Variants in ARHGEF12 observed in about 807,000 individuals in gnomAD.
The protein encoded by ARHGEF12 is KMT2A/ARHGEF12 fusion protein.
In ARHGEF12, 66 loss-of-function variants were observed where a neutral mutation model predicts 211.2. The observed-to-expected ratio is 0.31, with a 90% CI of 0.26 to 0.38. The LOEUF (loss-of-function observed/expected upper bound fraction) is 0.38. Among genes scored for constraint, ARHGEF12 ranks in the 10% least tolerant of loss-of-function variants. The pLI is 1.00. For missense variants in ARHGEF12, 1,429 were observed against 1,869.5 expected (o/e 0.76, Z 4.34); for synonymous variants, 592 against 638.4 (o/e 0.93, Z 1.09).
chr11:120,409,177 AT>A, intron 3 of ARHGEF12: 1 of 520,780 alleles, frequency 1.9e-6, no homozygotes, highest in Non-Finnish European at 3.4e-6. Context: ...GTTTGAACAT[AT>A]TTTTATTGCA....
At chr11:120,341,552 A>T (rs1942537582) in intron 1 of ARHGEF12, among the ~76,000 whole-genome samples, 2 of 152,338 alleles carry the variant, frequency 1.3e-5, no homozygotes, top group Admixed American at 1.3e-4. Flanking sequence ...TCTAAATGTC[A>T]TCCAGTGGTG....
At position 120,379,538 on chromosome 11, in the gene ARHGEF12, C is replaced by CT. The variant is rs1245802428; in HGVS notation, c.33-26579dup. 4.6e-5 allele frequency among the ~76,000 whole-genome samples: 7 copies of CT among 151,442 alleles called. No homozygotes were observed. In the South Asian group the frequency reaches 1.5e-3, roughly 32 times the overall value. ...GTACGATTTTTTTTTTTTCCATACT[C>CT]TATCAGTTTGGGGAAGTTACCTTCT... On this transcript the variant is annotated intron_variant, in intron 1 of 40. Transcript: ENST00000397843.
intron 1 of ARHGEF12, among the ~76,000 whole-genome samples, chr11:120,343,579 C>G (rs1278703136): frequency 6.6e-6 from 1 of 152,236 alleles, no homozygotes; most frequent in Admixed American, 6.5e-5. Flanking sequence ...CATACCGAAA[C>G]AGGATCTTTT....
chr11:120,373,610 A>G (rs796602332), intron 1 of ARHGEF12, among the ~76,000 whole-genome samples: 10 of 152,306 alleles, frequency 6.6e-5, no homozygotes, highest in African/African-American at 2.4e-4. Context: ...ATTCTATTAT[A>G]TAATTGTATA....
intron 10 of ARHGEF12, among the ~76,000 whole-genome samples, chr11:120,431,079 C>T (rs557199119): frequency 2.6e-5 from 4 of 152,114 alleles, no homozygotes; most frequent in Non-Finnish European, 4.4e-5. Context: ...CATCTGAGGT[C>T]GGGAGTTTGA....
At chr11:120,425,241 T>G (rs1945304672) in intron 7 of ARHGEF12, among the ~76,000 whole-genome samples, 1 of 152,180 alleles carries the variant, frequency 6.6e-6, no homozygotes, top group Non-Finnish European at 1.5e-5. Flanking sequence ...CATCTGAATC[T>G]GAGTCAGGTG....
chr11:120,476,749 G>A lies in ARHGEF12; in HGVS notation c.3365+1G>A, dbSNP rs1331150741. The A allele has an allele frequency of 6.2e-7, 1 of 1,603,966 alleles. No individual in the cohort carries two copies. Among genetic ancestry groups the A allele is most frequent in the Non-Finnish European group, 8.5e-7 (1 of 1,172,726 alleles). On this transcript the variant is annotated splice_donor_variant, in intron 34 of 40. Transcript: ENST00000397843. LOFTEE classifies it high-confidence loss of function. ...CACAGACAGTTTCTGAAAAGACTGTGTATGTATCAGATATGGCTACCTTGC... is the reference window on the plus strand; with the variant it reads ...CACAGACAGTTTCTGAAAAGACTGTATATGTATCAGATATGGCTACCTTGC...
At chr11:120,375,822 G>A (rs1048982975) in intron 1 of ARHGEF12, among the ~76,000 whole-genome samples, 2 of 151,902 alleles carry the variant, frequency 1.3e-5, no homozygotes, top group Admixed American at 6.6e-5. Flanking sequence ...ATGTTCCTTA[G>A]CCTCCTCTTG....
chr11:120,409,444 A>G lies in ARHGEF12; in HGVS notation c.193A>G (p.Ile65Val). 1 of 1,613,654 alleles carries G rather than the reference A, an allele frequency of 6.2e-7. No homozygotes were observed. Among genetic ancestry groups the G allele is most frequent in the South Asian group, 1.1e-5 (1 of 90,984 alleles). ...TAGTTCAGAGGAGAGTAGATCCGAGATATATGGTAAGCTAATGTAGCTAAT... is the reference window on the plus strand; with the variant it reads ...TAGTTCAGAGGAGAGTAGATCCGAGGTATATGGTAAGCTAATGTAGCTAAT... ...KSSSEESRSE[I>V]YGLVQRCVII... is the part of the protein sequence containing the mutation. Residue 65 changes from isoleucine (I) to valine (V), a missense_variant, in exon 4 of 41, where the codon ATA becomes GTA. Transcript: ENST00000397843.
At chr11:120,452,238 G>C (rs1946234543) in intron 22 of ARHGEF12, among the ~76,000 whole-genome samples, 1 of 152,208 alleles carries the variant, frequency 6.6e-6, no homozygotes, top group African/African-American at 2.4e-5. Flanking sequence ...TAGTAGAACA[G>C]AGTTGTGAGG....
chr11:120,442,945 T>C (rs796772040), intron 15 of ARHGEF12, among the ~76,000 whole-genome samples: 26 of 152,128 alleles, frequency 1.7e-4, no homozygotes, highest in African/African-American at 6.0e-4. Context: ...AGAGAACTTC[T>C]ACCAGATGTA....
At chr11:120,484,630 C>T in intron 40 of ARHGEF12, 123 bp downstream of exon 40, 1 of 886,628 alleles carries the variant, frequency 1.1e-6, no homozygotes, top group Non-Finnish European at 1.7e-6. Context: ...TAAAGAACTG[C>T]CTGTTTCTAA....
At chr11:120,476,261 A>T (rs1480763172) in intron 33 of ARHGEF12, 1 of 156,840 alleles carries the variant, frequency 6.4e-6, no homozygotes, top group Non-Finnish European at 1.4e-5. Flanking sequence ...ATGTAGAGGC[A>T]GGGTTTCGCC....
chr11:120,402,656 CAT>C (rs1187616910), intron 1 of ARHGEF12, among the ~76,000 whole-genome samples: 6 of 152,124 alleles, frequency 3.9e-5, no homozygotes, highest in Non-Finnish European at 5.9e-5. Flanking sequence ...CCAGGGAAGA[CAT>C]ATCTAACACC....
chr11:120,421,243 C>T (rs1205683740), intron 5 of ARHGEF12, among the ~76,000 whole-genome samples: 1 of 152,086 alleles, frequency 6.6e-6, no homozygotes, highest in African/African-American at 2.4e-5. Flanking sequence ...TTTTCTACTG[C>T]TGTTACCATA....
At chr11:120,384,194 C>T (rs989946373) in intron 1 of ARHGEF12, among the ~76,000 whole-genome samples, 3 of 152,108 alleles carry the variant, frequency 2.0e-5, no homozygotes, top group African/African-American at 4.8e-5. Context: ...ACTTACAAGG[C>T]GACTGCCTTT....
At chr11:120,393,712 C>T (rs1184616170) in intron 1 of ARHGEF12, among the ~76,000 whole-genome samples, 1 of 152,120 alleles carries the variant, frequency 6.6e-6, no homozygotes, top group East Asian at 1.9e-4. Flanking sequence ...GACAAATCTA[C>T]AAACATTGTC....
rs374235281 is a variant in ARHGEF12, at chr11:120,402,571, C to T, written c.33-3547C>T. Reference sequence around the variant, plus strand: ...CCAATGTAAGAAAAATTTGTTTAACCATCTCCCCTTCATTTCAACCATTCC... The same window carrying T: ...CCAATGTAAGAAAAATTTGTTTAACTATCTCCCCTTCATTTCAACCATTCC... On this transcript the variant is annotated intron_variant, in intron 1 of 40. Coordinates refer to ENST00000397843, the MANE Select transcript of ARHGEF12 (RefSeq NM_015313.3). Among the ~76,000 whole-genome samples, 590 of 152,160 alleles carry T rather than the reference C, an allele frequency of 3.9e-3. 42 individuals are homozygous for T. In the South Asian group the frequency reaches 0.12, roughly 31 times the overall value.
intron 3 of ARHGEF12, chr11:120,409,167 G>C (rs1944808092): frequency 4.0e-6 from 2 of 502,976 alleles, no homozygotes; most frequent in Non-Finnish European, 7.1e-6. Context: ...GTGTTGTTTT[G>C]TTTGAACATA....
Sources: gnomAD v4.1 joint callset for allele counts (sites outside exome capture counted in the v4.1 genomes callset) on GRCh38, gnomAD v4.1.1 for gene constraint, MANE v1.5 for transcripts, NCBI Gene and HGNC (gene_info 2026-07-23, HGNC 2026-07-21) for gene names.